Variants in NACC2 observed in about 807,000 individuals in gnomAD.
NACC2 encodes NACC family member 2.
Under a neutral mutation model 25.1 loss-of-function variants are expected in NACC2, and 8 were observed. The ratio of observed to expected loss-of-function variants is 0.32; its 90% CI spans 0.19 to 0.57. The LOEUF is 0.57. Ranked by LOEUF, NACC2 falls within the 20% of genes least tolerant of loss-of-function variation. The pLI is 0.89. For synonymous variants in NACC2, 435 were observed against 294.7 expected, an observed-to-expected ratio of 1.48 and a Z score of -4.88; for missense variants, 644 against 650.2, an observed-to-expected ratio of 0.99 and a Z score of 0.10.
chr9:136,037,572 A>G (rs1840572788), intron 2 of NACC2, among the ~76,000 whole-genome samples: 1 of 150,966 alleles, frequency 6.6e-6, no homozygotes, highest in Non-Finnish European at 1.5e-5. Flanking sequence ...CAGTGGTGCA[A>G]TCTCAGCTCA....
chr9:136,070,322 A>G (rs922768280), intron 1 of NACC2, among the ~76,000 whole-genome samples: 3 of 151,384 alleles, frequency 2.0e-5, no homozygotes, highest in Non-Finnish European at 2.9e-5. Flanking sequence ...CCTGGCCAAG[A>G]TGGTGAAACC....
At chr9:136,045,805 C>T (rs910895014) in intron 2 of NACC2, among the ~76,000 whole-genome samples, 8 of 152,180 alleles carry the variant, frequency 5.3e-5, no homozygotes, top group Non-Finnish European at 7.4e-5. Context: ...CTGCCATGAC[C>T]GTCTCGGCTG....
Position 136,022,687 on chromosome 9 carries a change from C to T in NACC2, c.887-6258G>A, listed in dbSNP as rs1022287027. ...GGCCTGGCACACAGCATGCGCCTAACACACAGGGCCCATCAACTACCAGTG... is the reference window on the plus strand; with the variant it reads ...GGCCTGGCACACAGCATGCGCCTAATACACAGGGCCCATCAACTACCAGTG... On this transcript the variant is annotated intron_variant, in intron 2 of 5. Transcript: ENST00000277554. This position sits in a 1 kb window ranked among gnomAD's most constrained non-coding sequence, Gnocchi z 4.4. Among the ~76,000 whole-genome samples, 3 of 152,146 alleles carry T rather than the reference C, an allele frequency of 2.0e-5. No individual in the cohort carries two copies. Among genetic ancestry groups the T allele is most frequent in the Non-Finnish European group, 4.4e-5 (3 of 68,030 alleles).
rs1038457062 is a variant in NACC2 at position 136,084,424 on chromosome 9, G to A, written c.-60+10765C>T. Among the ~76,000 whole-genome samples, 2 of 152,110 alleles carry A rather than the reference G, an allele frequency of 1.3e-5. No homozygotes were observed. The highest frequency in any genetic ancestry group is 2.9e-5 in the Non-Finnish European group (2 of 68,038). On this transcript the variant is annotated intron_variant, in intron 1 of 5. Coordinates refer to ENST00000277554, the MANE Select transcript of NACC2 (RefSeq NM_144653.5). This position sits in a 1 kb window ranked among gnomAD's most constrained non-coding sequence, Gnocchi z 5.1. Reference sequence around the variant, plus strand: ...CGCAATGTCCGGTCTCCGCTGGTGGGGCAACGTCCAAGAAGGCGGTATCTC... The same window carrying A: ...CGCAATGTCCGGTCTCCGCTGGTGGAGCAACGTCCAAGAAGGCGGTATCTC...
chr9:136,014,187 T>C (rs1840160754), intron 3 of NACC2, among the ~76,000 whole-genome samples: 2 of 151,828 alleles, frequency 1.3e-5, no homozygotes, highest in South Asian at 4.2e-4. Flanking sequence ...AAATCACACA[T>C]GGAACTAAGC....
intron 1 of NACC2, among the ~76,000 whole-genome samples, chr9:136,058,612 AAACT>A (rs745659864): frequency 1.2e-4 from 19 of 152,186 alleles, no homozygotes; most frequent in African/African-American, 1.9e-4. Flanking sequence ...CAAAGGCTGA[AAACT>A]AACCCACCGG....
chr9:136,036,522 C>T (rs1465511636), intron 2 of NACC2, among the ~76,000 whole-genome samples: 1 of 152,090 alleles, frequency 6.6e-6, no homozygotes, highest in Non-Finnish European at 1.5e-5. Context: ...CATACACATA[C>T]ATCTATATAA....
At chr9:136,028,439 C>T (rs1232863369) in intron 2 of NACC2, among the ~76,000 whole-genome samples, 2 of 144,410 alleles carry the variant, frequency 1.4e-5, no homozygotes, top group African/African-American at 2.6e-5. Flanking sequence ...TGCAGTGGTG[C>T]GATCTCAGCT....
At chr9:136,031,471 G>A (rs1840471927) in intron 2 of NACC2, among the ~76,000 whole-genome samples, 1 of 152,124 alleles carries the variant, frequency 6.6e-6, no homozygotes, top group Non-Finnish European at 1.5e-5. Flanking sequence ...CCGAGCAGCT[G>A]GGATTACAGG....
chr9:136,011,955 G>A lies in NACC2; in HGVS notation c.1325C>T (p.Thr442Ile). 6.2e-7 allele frequency: 1 copy of A among 1,606,292 alleles called. No individual in the cohort carries two copies. The highest frequency in any genetic ancestry group is 8.5e-7 in the Non-Finnish European group (1 of 1,177,930). Residue 442 changes from threonine (T) to isoleucine (I), a missense_variant, in exon 6 of 6, where the codon ACC (threonine) becomes ATC (isoleucine). Coordinates refer to ENST00000277554, the MANE Select transcript of NACC2 (RefSeq NM_144653.5). ...EMNVIAADMC[T>I]NARRVRKRWL... ...GCGCTTGCGAACGCGGCGGGCGTTG[G>A]TGCACATGTCCGCGGCGATCACGTT...
chr9:136,029,427 TACC>T (rs1840441384), intron 2 of NACC2, among the ~76,000 whole-genome samples: 1 of 152,236 alleles, frequency 6.6e-6, no homozygotes, highest in African/African-American at 2.4e-5. Flanking sequence ...GTTGTCTGCA[TACC>T]TCATTTTCCT....
At chr9:136,091,591 C>G (rs1236601175) in intron 1 of NACC2, among the ~76,000 whole-genome samples, 1 of 152,224 alleles carries the variant, frequency 6.6e-6, no homozygotes, top group East Asian at 1.9e-4. Flanking sequence ...ACCAATACTT[C>G]CAGACAGATG....
chr9:136,038,464 C>T (rs946356837), intron 2 of NACC2, among the ~76,000 whole-genome samples: 9 of 152,110 alleles, frequency 5.9e-5, no homozygotes, highest in Non-Finnish European at 1.0e-4. Context: ...GGCTTGAGCC[C>T]GGGAGGCAGA....
At chr9:136,052,021 A>G (rs1279738293) in intron 1 of NACC2, among the ~76,000 whole-genome samples, 2 of 152,192 alleles carry the variant, frequency 1.3e-5, no homozygotes, top group Admixed American at 6.5e-5. Flanking sequence ...CCGCATCTCA[A>G]TGAAGGGGCC....
At position 136,049,720 on chromosome 9, in the gene NACC2, CCTCCTCGTT is replaced by C. The variant is rs1415145358; in HGVS notation, c.793_801del (p.Asn265_Glu267del). The C allele has an allele frequency of 2.6e-6, 2 of 779,314 alleles. No individual in the cohort carries two copies. Among genetic ancestry groups the C allele is most frequent in the African/African-American group, 3.4e-5 (2 of 59,066 alleles). The allele number at this position is 779,314 out of a possible 1,614,324, so 48.3% of individuals were successfully genotyped here. On this transcript the variant is annotated inframe_deletion, in exon 2 of 6. Coordinates refer to ENST00000277554, the MANE Select transcript of NACC2 (RefSeq NM_144653.5). The stretch of plus-strand genomic sequence containing the variant: ...TCGTAGGCCTCGTCGTCCTCCTCGT[CCTCCTCGTT>C]GTGGTACGAGGTGGGGCTGTCGGTG...
chr9:136,014,704 C>T (rs543731420), intron 3 of NACC2, among the ~76,000 whole-genome samples: 20 of 152,302 alleles, frequency 1.3e-4, no homozygotes, highest in African/African-American at 3.6e-4. Context: ...ATGAGGGAGA[C>T]GGAATCCCCT....
intron 1 of NACC2, among the ~76,000 whole-genome samples, chr9:136,067,398 T>C (rs1374561933): frequency 1.3e-5 from 2 of 152,086 alleles, no homozygotes; most frequent in Admixed American, 1.3e-4. Flanking sequence ...AAATTCACGA[T>C]GGTAATGGTT....
At chr9:136,047,820 G>A (rs1214065183) in intron 2 of NACC2, among the ~76,000 whole-genome samples, 2 of 152,140 alleles carry the variant, frequency 1.3e-5, no homozygotes, top group African/African-American at 2.4e-5. Context: ...TCCAGGCGAT[G>A]TGAGGGCTTA....
At chr9:136,081,581 C>G (rs1170591154) in intron 1 of NACC2, among the ~76,000 whole-genome samples, 2 of 152,372 alleles carry the variant, frequency 1.3e-5, no homozygotes, top group African/African-American at 2.4e-5. Context: ...TCTGCAAAGG[C>G]CTCTCAGCTG....
Sources: gnomAD v4.1 joint callset for allele counts (sites outside exome capture counted in the v4.1 genomes callset) on GRCh38, gnomAD v4.1.1 for gene constraint, Gnocchi (gnomAD v3.1) non-coding constraint, MANE v1.5 for transcripts, NCBI Gene and HGNC (gene_info 2026-07-23, HGNC 2026-07-21) for gene names.